NEURL1: variants seen among roughly 807,000 people sequenced by gnomAD.
The protein encoded by NEURL1 is neuralized E3 ubiquitin protein ligase 1.
NEURL1 carries 26 observed loss-of-function variants against 41.2 expected under a neutral mutation model. The ratio of observed to expected loss-of-function variants is 0.63; its 90% CI spans 0.46 to 0.87. The LOEUF is 0.87. Among genes scored for constraint, NEURL1 ranks in the 40% least tolerant of loss-of-function variants. The pLI is 0.00. For missense variants in NEURL1, 761 were observed against 871.1 expected (o/e 0.87, Z 1.59); for synonymous variants, 400 against 402.3 (o/e 0.99, Z 0.07).
At chr10:103,519,900 T>C (rs891548633) in intron 1 of NEURL1, among the ~76,000 whole-genome samples, 1 of 152,004 alleles carries the variant, frequency 6.6e-6, no homozygotes, top group African/African-American at 2.4e-5. Context: ...TTCTCCCACT[T>C]TAGCCTCTGA....
chr10:103,513,766 T>C (rs1357103477), intron 1 of NEURL1, among the ~76,000 whole-genome samples: 1 of 107,816 alleles, frequency 9.3e-6, no homozygotes, highest in Non-Finnish European at 2.0e-5. Context: ...CTGGTGAGGG[T>C]GGGGGGTGGG....
At chr10:103,509,530 C>G (rs899208262) in intron 1 of NEURL1, among the ~76,000 whole-genome samples, 1 of 152,142 alleles carries the variant, frequency 6.6e-6, no homozygotes, top group African/African-American at 2.4e-5. Flanking sequence ...ATGCATTGCA[C>G]GATGATGTTA....
chr10:103,582,900 G>T (rs1384024345), intron 3 of NEURL1, among the ~76,000 whole-genome samples: 1 of 152,248 alleles, frequency 6.6e-6, no homozygotes, highest in Non-Finnish European at 1.5e-5. Flanking sequence ...TGGAAGTGAA[G>T]AATGCGGCAT....
rs201722753 is a variant in NEURL1 at position 103,527,300 on chromosome 10, G to GTT, written c.85+32839_85+32840dup. Among the ~76,000 whole-genome samples the GTT allele has an allele frequency of 3.6e-3, 494 of 138,004 alleles. 5 individuals are homozygous for GTT. Among genetic ancestry groups the GTT allele is most frequent in the Middle Eastern group, 0.018 (5 of 278 alleles). 90.5% of individuals were successfully genotyped at this position (138,004 alleles called of 152,430 possible). On this transcript the variant is annotated intron_variant, in intron 1 of 5. Coordinates refer to ENST00000369780, the MANE Select transcript of NEURL1 (RefSeq NM_004210.5). ...TTGCACTTTTTTTCTTTTTTTTTTG[G>GTT]TTTTTTTTTTTTGAGGCAGAGTCTC... is the stretch of plus-strand genomic sequence containing the variant.
chr10:103,589,805 C>G, intron 5 of NEURL1, 145 bp downstream of exon 5: 1 of 1,145,296 alleles, frequency 8.7e-7, no homozygotes, highest in Non-Finnish European at 1.2e-6. Context: ...GGGTCATCCC[C>G]TCCTGTCCCC....
At chr10:103,501,406 G>C (rs1241387883) in intron 1 of NEURL1, among the ~76,000 whole-genome samples, 2 of 151,966 alleles carry the variant, frequency 1.3e-5, no homozygotes. Flanking sequence ...AAGCTGACCT[G>C]CTCATCTGGA....
chr10:103,523,586 C>A (rs544874029), intron 1 of NEURL1, among the ~76,000 whole-genome samples: 1 of 152,272 alleles, frequency 6.6e-6, no homozygotes, highest in Admixed American at 6.5e-5. Flanking sequence ...GTAAACCAAC[C>A]TTTGGTTATC....
chr10:103,550,295 A>C (rs2035007963), intron 1 of NEURL1, among the ~76,000 whole-genome samples: 1 of 152,164 alleles, frequency 6.6e-6, no homozygotes, highest in Non-Finnish European at 1.5e-5. Flanking sequence ...TGGCAGGGAA[A>C]AGAGGGACAG....
rs111913615 is a variant in NEURL1, at chr10:103,576,549, A to G, written c.649+4727A>G. 1.9e-3 allele frequency among the ~76,000 whole-genome samples: 291 copies of G among 152,248 alleles called. 1 individual carries two copies. Among genetic ancestry groups the G allele is most frequent in the African/African-American group, 6.7e-3 (280 of 41,550 alleles). On this transcript the variant is annotated intron_variant, in intron 3 of 5. Transcript: ENST00000369780. ...GGGACTGGCTGGTTGACAGTGGAGAAGTATGAGACCCAGAGATGGGGAGAG... is the reference window on the plus strand; with the variant it reads ...GGGACTGGCTGGTTGACAGTGGAGAGGTATGAGACCCAGAGATGGGGAGAG...
intron 4 of NEURL1, among the ~76,000 whole-genome samples, chr10:103,587,754 G>C (rs2035951829): frequency 6.6e-6 from 1 of 152,170 alleles, no homozygotes; most frequent in Admixed American, 6.5e-5. Context: ...GAAAATTCTG[G>C]CCAATGCAAC....
intron 4 of NEURL1, 93 bp from the exon 5 acceptor site, chr10:103,589,421 T>C: frequency 3.5e-6 from 5 of 1,408,800 alleles, no homozygotes; most frequent in Non-Finnish European, 4.8e-6. Flanking sequence ...GGCTGTGTGG[T>C]CAGGCCTGGG....
chr10:103,583,704 T>TC (rs2035832451), intron 3 of NEURL1, among the ~76,000 whole-genome samples: 1 of 7,166 alleles, frequency 1.4e-4, no homozygotes, highest in Non-Finnish European at 2.5e-4. Context: ...AGATCCTGTC[T>TC]CAAAAAAAAA....
rs2036004599 is a variant in NEURL1 at position 103,590,038 on chromosome 10, T to C, written c.1487-96T>C. ...GGGTGAACAGGCAGATCCTGATAAA[T>C]GGAGGGGGACACAAGAGGCCGGGGA... On this transcript the variant is annotated intron_variant, in intron 5 of 5. Coordinates refer to ENST00000369780, the MANE Select transcript of NEURL1 (RefSeq NM_004210.5). 3.3e-6 allele frequency: 4 copies of C among 1,210,010 alleles called. No individual in the cohort carries two copies. The Admixed American group carries it at 5.2e-5, about 16-fold the overall frequency. 75.0% of individuals were successfully genotyped at this position (1,210,010 alleles called of 1,614,324 possible). A position where few individuals can be genotyped will look rare whatever the true frequency, so the allele number is the denominator to read the frequency against.
intron 1 of NEURL1, among the ~76,000 whole-genome samples, chr10:103,541,564 G>T (rs2034821623): frequency 6.6e-6 from 1 of 152,186 alleles, no homozygotes; most frequent in South Asian, 2.1e-4. Flanking sequence ...ACTAGCTGGG[G>T]TGAGCTGTGG....
rs1028685755 is a variant in NEURL1, at chr10:103,493,776, G to C, written c.-612G>C. On this transcript the variant is annotated 5_prime_UTR_variant, in exon 1 of 6. Transcript: ENST00000369780. Reference sequence around the variant, plus strand: ...GGGAATCCTGGAGACTGCCGGGGCGGGGGGCGGGGGCGGCGGTCGCAGGAG... The same window carrying C: ...GGGAATCCTGGAGACTGCCGGGGCGCGGGGCGGGGGCGGCGGTCGCAGGAG... 6.6e-6 allele frequency among the ~76,000 whole-genome samples: 1 copy of C among 151,976 alleles called. No individual in the cohort carries two copies. The highest frequency in any genetic ancestry group is 2.4e-5 in the African/African-American group (1 of 41,416).
chr10:103,532,458 G>T (rs1010076742), intron 1 of NEURL1, among the ~76,000 whole-genome samples: 10 of 152,114 alleles, frequency 6.6e-5, no homozygotes, highest in African/African-American at 2.2e-4. Context: ...CTAGTCCAGT[G>T]GTGATGAATT....
intron 1 of NEURL1, chr10:103,555,232 G>T (rs1486381399): frequency 2.2e-6 from 2 of 888,928 alleles, no homozygotes; most frequent in African/African-American, 1.8e-5. Flanking sequence ...GGGGGCGCGT[G>T]GGGGCGCGGG....
At chr10:103,576,043 C>A (rs73324171) in intron 3 of NEURL1, among the ~76,000 whole-genome samples, 1 of 152,192 alleles carries the variant, frequency 6.6e-6, no homozygotes, top group Non-Finnish European at 1.5e-5. Context: ...AGGCACTAAG[C>A]GGGGGCAGGT....
chr10:103,501,934 A>G (rs910575617), intron 1 of NEURL1, among the ~76,000 whole-genome samples: 1 of 151,802 alleles, frequency 6.6e-6, no homozygotes, highest in Non-Finnish European at 1.5e-5. Context: ...ACACCCGGCC[A>G]TTATTTATTT....
Sources: gnomAD v4.1 joint callset for allele counts (sites outside exome capture counted in the v4.1 genomes callset) on GRCh38, gnomAD v4.1.1 for gene constraint, MANE v1.5 for transcripts, NCBI Gene and HGNC (gene_info 2026-07-23, HGNC 2026-07-21) for gene names.